NACC2: variants seen among roughly 807,000 people sequenced by gnomAD.
The protein encoded by NACC2 is nucleus accumbens-associated protein 2.
A neutral mutation model predicts 25.1 loss-of-function variants in NACC2; 8 were observed. The observed-to-expected ratio is 0.32, with a 90% confidence interval of 0.19 to 0.57. The LOEUF is 0.57. Ranked by LOEUF, NACC2 falls within the 20% of genes least tolerant of loss-of-function variation. The pLI is 0.89. For missense variants in NACC2, 644 were observed against 650.2 expected (o/e 0.99, Z 0.10); for synonymous variants, 435 against 294.7 (o/e 1.48, Z -4.88).
In NACC2 at chr9:136,021,905, G is replaced by C. The variant is rs144006650; in HGVS notation, c.887-5476C>G. ...TCCAGGAAACTAAACTTGGGGGACA[G>C]AGAATCATTTCCATTGTGGCCACCA... On this transcript the variant is annotated intron_variant, in intron 2 of 5. Transcript: ENST00000277554. 2.0e-4 allele frequency among the ~76,000 whole-genome samples: 31 copies of C among 152,362 alleles called. No homozygotes were observed. The East Asian group carries it at 6.0e-3, about 29-fold the overall frequency.
rs986828258 is a variant in NACC2, at chr9:136,019,567, A to C, written c.887-3138T>G. ...ATGGTGACATCTGGGAACAGCTCAT[A>C]AAGAGCAATGAGCTAACTGCATGGA... On this transcript the variant is annotated intron_variant, in intron 2 of 5. Coordinates refer to ENST00000277554, the MANE Select transcript of NACC2 (RefSeq NM_144653.5). This position sits in a 1 kb window ranked among gnomAD's most constrained non-coding sequence, Gnocchi z 5.2. 3.9e-5 allele frequency: 6 copies of C among 152,244 alleles called. No homozygotes were observed. Among genetic ancestry groups the C allele is most frequent in the African/African-American group, 1.4e-4 (6 of 41,448 alleles). 9.4% of individuals were successfully genotyped at this position (152,244 alleles called of 1,614,324 possible).
rs114303995 is a variant in NACC2, at chr9:136,012,396, G to A, written c.1256-372C>T. Among the ~76,000 whole-genome samples, 1,132 of 152,376 alleles carry A rather than the reference G, an allele frequency of 7.4e-3. 16 individuals carry two copies. The highest frequency in any genetic ancestry group is 0.026 in the African/African-American group (1,069 of 41,592). On this transcript the variant is annotated intron_variant, in intron 5 of 5. Coordinates refer to ENST00000277554, the MANE Select transcript of NACC2 (RefSeq NM_144653.5). ...GAATAACACACCCCTCCCCGTCCCA[G>A]TCCCAGCCTGGAGGAGGGGAGTGAC...
At chr9:136,052,477 C>G (rs1840860474) in intron 1 of NACC2, among the ~76,000 whole-genome samples, 1 of 137,844 alleles carries the variant, frequency 7.3e-6, no homozygotes, top group Non-Finnish European at 1.6e-5. Context: ...CTAGGGGAGC[C>G]AGGGAAGGGG....
intron 2 of NACC2, among the ~76,000 whole-genome samples, chr9:136,035,563 T>C (rs571627492): frequency 6.6e-6 from 1 of 152,204 alleles, no homozygotes; most frequent in African/African-American, 2.4e-5. Context: ...AAATACCACA[T>C]CAGGGAAAAA....
intron 1 of NACC2, among the ~76,000 whole-genome samples, chr9:136,058,544 G>A (rs946708128): frequency 6.6e-6 from 1 of 152,264 alleles, no homozygotes. Flanking sequence ...GGATACACAC[G>A]GACATAAACA....
chr9:136,075,406 G>A (rs1830251216), intron 1 of NACC2, among the ~76,000 whole-genome samples: 4 of 152,240 alleles, frequency 2.6e-5, no homozygotes, highest in Admixed American at 6.5e-5. Context: ...CACTCTCCCC[G>A]GGCTTGGAAC....
At chr9:136,035,550 A>G (rs10116108) in intron 2 of NACC2, among the ~76,000 whole-genome samples, 34,301 of 152,166 alleles carry the variant, frequency 0.23, 4,025 homozygotes, top group East Asian at 0.27. Flanking sequence ...GTGATTCTGG[A>G]TTAAATACCA....
chr9:136,014,057 GA>G, intron 3 of NACC2, 88 bp from the exon 4 acceptor site: 8 of 373,798 alleles, frequency 2.1e-5, no homozygotes, highest in Non-Finnish European at 3.6e-5. Flanking sequence ...GGGAGGGGGG[GA>G]GGTGGAGGGG....
At chr9:136,036,117 T>C (rs1176421337) in intron 2 of NACC2, among the ~76,000 whole-genome samples, 3 of 152,130 alleles carry the variant, frequency 2.0e-5, no homozygotes, top group South Asian at 2.1e-4. Flanking sequence ...ATTCACAGTG[T>C]AGAACGTGCA....
chr9:136,044,913 C>T (rs1458582903), intron 2 of NACC2, among the ~76,000 whole-genome samples: 3 of 152,158 alleles, frequency 2.0e-5, no homozygotes, highest in Non-Finnish European at 2.9e-5. Context: ...GGTGTTCAGC[C>T]GGGGGATGGA....
chr9:136,094,805 C>T (rs1276431523), intron 1 of NACC2, among the ~76,000 whole-genome samples: 1 of 151,940 alleles, frequency 6.6e-6, no homozygotes, highest in Non-Finnish European at 1.5e-5. Flanking sequence ...CTGGATCGGC[C>T]AGTCGGGTCC....
intron 2 of NACC2, among the ~76,000 whole-genome samples, chr9:136,023,713 C>T (rs992624074): frequency 6.6e-6 from 1 of 152,206 alleles, no homozygotes; most frequent in Non-Finnish European, 1.5e-5. Context: ...ATCCTCGAGG[C>T]AGCAGGTGGC....
chr9:136,012,189 C>T (rs958789876), intron 5 of NACC2, among the ~76,000 whole-genome samples, 165 bp from the exon 6 acceptor site: 2 of 152,342 alleles, frequency 1.3e-5, no homozygotes, highest in Non-Finnish European at 2.9e-5. Context: ...CCAGAGGTCA[C>T]GTTTCTCACT....
Position 136,038,467 on chromosome 9 carries a change from G to T in NACC2, c.886+11169C>A, listed in dbSNP as rs1160572062. ...AGATGGGAAGATGGCTTGAGCCCGGGAGGCAGAGGGTATAGTGAGTTGAGA... is the reference window on the plus strand; with the variant it reads ...AGATGGGAAGATGGCTTGAGCCCGGTAGGCAGAGGGTATAGTGAGTTGAGA... On this transcript the variant is annotated intron_variant, in intron 2 of 5. Coordinates refer to ENST00000277554, the MANE Select transcript of NACC2 (RefSeq NM_144653.5). Among the ~76,000 whole-genome samples the T allele has an allele frequency of 3.3e-5, 5 of 152,222 alleles. No homozygotes were observed. In the East Asian group the frequency reaches 9.6e-4, roughly 29 times the overall value.
intron 1 of NACC2, among the ~76,000 whole-genome samples, chr9:136,067,308 A>C: frequency 7.1e-6 from 1 of 140,624 alleles, no homozygotes; most frequent in South Asian, 2.3e-4. Flanking sequence ...TAGAGCCGGG[A>C]GCAGTGGGGG....
chr9:136,026,749 T>G (rs963474174), intron 2 of NACC2, among the ~76,000 whole-genome samples: 3 of 152,034 alleles, frequency 2.0e-5, no homozygotes, highest in African/African-American at 7.3e-5. Context: ...ACAAGAACAG[T>G]ATACAAACTT....
intron 1 of NACC2, among the ~76,000 whole-genome samples, chr9:136,094,096 C>T (rs1001799430): frequency 6.6e-6 from 1 of 152,224 alleles, no homozygotes; most frequent in Non-Finnish European, 1.5e-5. Flanking sequence ...GATGGGAGTC[C>T]GGGCTGCCTT....
intron 5 of NACC2, among the ~76,000 whole-genome samples, chr9:136,012,757 G>A (rs772570804): frequency 1.3e-5 from 2 of 151,308 alleles, no homozygotes; most frequent in South Asian, 2.1e-4. Flanking sequence ...GGTGCGAGCC[G>A]GCAGCAGTCA....
rs1289668659 is a variant in NACC2 at position 136,050,328 on chromosome 9, C to T, written c.194G>A (p.Ser65Asn). Reference protein sequence around the residue: ...FRDLFSGNSKSAFELPGSVPP... With the variant: ...FRDLFSGNSKNAFELPGSVPP... ...CACGGAGCCGGGCAGCTCGAAGGCG[C>T]TCTTGCTGTTGCCGCTGAACAGGTC... The change falls in exon 2 of 6, where the codon AGC (serine) becomes AAC (asparagine). Residue 65 changes from serine (S) to asparagine (N), a missense_variant. Transcript: ENST00000277554. The T allele has an allele frequency of 1.4e-5, 10 of 740,682 alleles. No homozygotes were observed. Among genetic ancestry groups the T allele is most frequent in the Non-Finnish European group, 2.2e-5 (9 of 403,246 alleles). 45.9% of individuals were successfully genotyped at this position (740,682 alleles called of 1,614,324 possible). A position where few individuals can be genotyped will look rare whatever the true frequency, so the allele number is the denominator to read the frequency against.
Sources: gnomAD v4.1 joint callset for allele counts (sites outside exome capture counted in the v4.1 genomes callset) on GRCh38, gnomAD v4.1.1 for gene constraint, Gnocchi (gnomAD v3.1) non-coding constraint, MANE v1.5 for transcripts, NCBI Gene and HGNC (gene_info 2026-07-23, HGNC 2026-07-21) for gene names.